BTBD7: variants seen among roughly 807,000 people sequenced by gnomAD.
BTBD7 encodes the protein BTB domain containing 7, also known as BTB/POZ domain-containing protein 7.
BTBD7 carries 38 observed loss-of-function variants against 99.9 expected under a neutral mutation model. That is an observed-to-expected ratio of 0.38 (90% CI 0.29 to 0.50). The LOEUF (loss-of-function observed/expected upper bound fraction) is 0.50. Among genes scored for constraint, BTBD7 ranks in the 20% least tolerant of loss-of-function variants. BTBD7 has a pLI of 0.93. For missense variants in BTBD7, 1,170 were observed against 1,394.6 expected (o/e 0.84, Z 2.57); for synonymous variants, 520 against 511.4 (o/e 1.02, Z -0.23).
At chr14:93,314,866 C>CTTTTTT in intron 1 of BTBD7, among the ~76,000 whole-genome samples, 1 of 152,138 alleles carries the variant, frequency 6.6e-6, no homozygotes, top group Non-Finnish European at 1.5e-5. Context: ...AATTAATAAA[C>CTTTTTT]TGATATTCAT....
At chr14:93,286,195 A>G (rs771428085) in intron 3 of BTBD7, among the ~76,000 whole-genome samples, 13 of 152,234 alleles carry the variant, frequency 8.5e-5, no homozygotes, top group Non-Finnish European at 1.6e-4. Flanking sequence ...CTGACTAGAG[A>G]AGGCTGCAGA....
chr14:93,263,684 C>T, intron 4 of BTBD7, 101 bp downstream of exon 4: 1 of 1,165,654 alleles, frequency 8.6e-7, no homozygotes. Context: ...CAGCCTGTTT[C>T]TCTTCCCCTG....
chr14:93,263,322 C>G (rs1376414915), intron 4 of BTBD7, among the ~76,000 whole-genome samples: 5 of 152,136 alleles, frequency 3.3e-5, no homozygotes, highest in African/African-American at 1.2e-4. Context: ...GAAAACATTA[C>G]CGTACTTTGG....
Position 93,239,344 on chromosome 14 carries a change from T to A in BTBD7, c.*2929A>T, listed in dbSNP as rs1003900135. 1 of 152,492 alleles carries A rather than the reference T, an allele frequency of 6.6e-6. No individual in the cohort carries two copies. Among genetic ancestry groups the A allele is most frequent in the Non-Finnish European group, 1.5e-5 (1 of 68,032 alleles). 9.4% of individuals were successfully genotyped at this position (152,492 alleles called of 1,614,324 possible). A position where few individuals can be genotyped will look rare whatever the true frequency, so the allele number is the denominator to read the frequency against. On this transcript the variant is annotated 3_prime_UTR_variant, in exon 11 of 11. Coordinates refer to ENST00000334746, the MANE Select transcript of BTBD7 (RefSeq NM_001002860.4). ...TGTCCAAAGGCCTGATTGTCCACGA[T>A]CTCAAAAGGAGATCTGGTATTTTTG...
chr14:93,318,334 G>T (rs1233807829), intron 1 of BTBD7, among the ~76,000 whole-genome samples: 1 of 152,216 alleles, frequency 6.6e-6, no homozygotes, highest in East Asian at 1.9e-4. Flanking sequence ...TTATGATTGG[G>T]AAGAGGCATG....
In BTBD7 at chr14:93,296,116, G is replaced by C; in HGVS notation, c.-65C>G. ...AGAGTATAATCCCAGAGGCCTTTAT[G>C]AACCTTCAACCCTGGATCCAGCAGC... On this transcript the variant is annotated 5_prime_UTR_variant, in exon 2 of 11. Coordinates refer to ENST00000334746, the MANE Select transcript of BTBD7 (RefSeq NM_001002860.4). 6.4e-7 allele frequency: 1 copy of C among 1,561,820 alleles called. No individual in the cohort carries two copies. The highest frequency in any genetic ancestry group is 8.7e-7 in the Non-Finnish European group (1 of 1,151,962).
chr14:93,290,991 T>G (rs991033290), intron 3 of BTBD7, among the ~76,000 whole-genome samples: 5 of 138,936 alleles, frequency 3.6e-5, no homozygotes, highest in East Asian at 2.1e-4. Context: ...GGCCTAGTTT[T>G]TTTTTTTTTT....
At chr14:93,308,306 A>G (rs1005933398) in intron 1 of BTBD7, among the ~76,000 whole-genome samples, 1 of 105,094 alleles carries the variant, frequency 9.5e-6, no homozygotes, top group African/African-American at 3.0e-5. Flanking sequence ...AAAAAAAAAG[A>G]AAAGAAAAGA....
chr14:93,299,188 G>A (rs1185689440), intron 1 of BTBD7, among the ~76,000 whole-genome samples: 1 of 152,162 alleles, frequency 6.6e-6, no homozygotes, highest in African/African-American at 2.4e-5. Context: ...AGCCTGATGG[G>A]TAACCCTGAC....
At chr14:93,303,453 A>G (rs1158048081) in intron 1 of BTBD7, among the ~76,000 whole-genome samples, 3 of 143,782 alleles carry the variant, frequency 2.1e-5, no homozygotes, top group Admixed American at 6.9e-5. Flanking sequence ...AAAAAAAGTT[A>G]AAAAAAAAAA....
intron 1 of BTBD7, among the ~76,000 whole-genome samples, chr14:93,325,627 C>T (rs2053321987): frequency 6.6e-6 from 1 of 152,076 alleles, no homozygotes; most frequent in South Asian, 2.1e-4. Flanking sequence ...ATTTCCATAC[C>T]TATTTTAACA....
At chr14:93,275,946 G>A (rs2052651837) in intron 3 of BTBD7, among the ~76,000 whole-genome samples, 1 of 152,194 alleles carries the variant, frequency 6.6e-6, no homozygotes, top group African/African-American at 2.4e-5. Context: ...ATGCATGGTG[G>A]CTCACGCCTG....
At chr14:93,255,661 A>C (rs1390067553) in intron 6 of BTBD7, 2 of 151,230 alleles carry the variant, frequency 1.3e-5, no homozygotes, top group East Asian at 3.9e-4. Flanking sequence ...ATGCCTGGCT[A>C]ATTTTTGTAT....
intron 3 of BTBD7, among the ~76,000 whole-genome samples, chr14:93,266,515 G>A (rs1406714196): frequency 2.7e-5 from 4 of 146,688 alleles, no homozygotes; most frequent in African/African-American, 4.9e-5. Context: ...TGATTTATCC[G>A]TTGTTCCTAG....
chr14:93,241,287 G>A lies in BTBD7; in HGVS notation c.*986C>T, dbSNP rs734537. ...GCCCCCCAAGTAGCTGGGACTACAG[G>A]CACGCACCACCACGCCTGGCTAGAT... On this transcript the variant is annotated 3_prime_UTR_variant, in exon 11 of 11. Transcript: ENST00000334746. The A allele has an allele frequency of 0.012, 1,861 of 152,020 alleles. 23 individuals are homozygous for A. The highest frequency in any genetic ancestry group is 0.016 in the Non-Finnish European group (1,107 of 68,136). The allele number at this position is 152,020 out of a possible 1,614,324, so 9.4% of individuals were successfully genotyped here.
chr14:93,312,628 T>C (rs1264800211), intron 1 of BTBD7, among the ~76,000 whole-genome samples: 1 of 152,132 alleles, frequency 6.6e-6, no homozygotes, highest in Non-Finnish European at 1.5e-5. Flanking sequence ...AACCTGTCTC[T>C]TGGAACACAA....
chr14:93,295,905 A>G, intron 2 of BTBD7, 65 bp downstream of exon 2: 1 of 1,455,396 alleles, frequency 6.9e-7, no homozygotes, highest in Non-Finnish European at 9.6e-7. Flanking sequence ...ATCTACAGAG[A>G]CTACCGAAAA....
rs192644268 is a variant in BTBD7, at chr14:93,239,878, G to A, written c.*2395C>T. On this transcript the variant is annotated 3_prime_UTR_variant, in exon 11 of 11. Transcript: ENST00000334746. ...AACAGCTCTGGTCTAACATTTGCGG[G>A]GGGGGAAGGGTCAGGGATGAGAGTT... 2 of 152,372 alleles carry A rather than the reference G, an allele frequency of 1.3e-5. No individual in the cohort carries two copies. The highest frequency in any genetic ancestry group is 2.9e-5 in the Non-Finnish European group (2 of 68,036). The allele number at this position is 152,372 out of a possible 1,614,324, so 9.4% of individuals were successfully genotyped here.
At chr14:93,284,458 CTT>C (rs5810626) in intron 3 of BTBD7, among the ~76,000 whole-genome samples, 6 of 145,656 alleles carry the variant, frequency 4.1e-5, no homozygotes, top group Admixed American at 6.9e-5. Context: ...CCACTCCCCA[CTT>C]TTTTTTTTTT....
Sources: allele counts gnomAD v4.1 joint callset (sites outside exome capture counted in the v4.1 genomes callset), GRCh38; gene constraint gnomAD v4.1.1; transcripts MANE v1.5; gene names NCBI Gene and HGNC (gene_info 2026-07-23, HGNC 2026-07-21).